The following PIEZO2 variants were observed in gnomAD, a reference collection of about 807,000 sequenced individuals.
PIEZO2 encodes the protein piezo type mechanosensitive ion channel component 2.
Under a neutral mutation model 337.3 loss-of-function variants are expected in PIEZO2, and 172 were observed. The ratio of observed to expected loss-of-function variants is 0.51; its 90% CI spans 0.45 to 0.58. The LOEUF is 0.58. Among genes scored for constraint, PIEZO2 ranks in the 20% least tolerant of loss-of-function variants. The pLI is 0.00. For missense variants in PIEZO2, 3,028 were observed against 3,391.3 expected, an observed-to-expected ratio of 0.89 and a Z score of 2.66; for synonymous variants, 1,251 against 1,228.5, an observed-to-expected ratio of 1.02 and a Z score of -0.38.
rs80164074 is a variant in PIEZO2, at chr18:11,021,493, A to G, written c.161-41833T>C. On this transcript the variant is annotated intron_variant, in intron 2 of 55. Coordinates refer to ENST00000674853, the MANE Select transcript of PIEZO2 (RefSeq NM_001378183.1). The surrounding 1 kb of genome is among the most constrained non-coding windows in gnomAD (Gnocchi z 4.7). ...TGCTTTCTTGGTGGTAAGGATGCAA[A>G]TTTGAGTTGAGTTTCTGAGCAGACT... Among the ~76,000 whole-genome samples the G allele has an allele frequency of 0.021, 3,245 of 151,988 alleles. 114 individuals carry two copies. Among genetic ancestry groups the G allele is most frequent in the African/African-American group, 0.074 (3,057 of 41,446 alleles).
rs2038695568 is a variant in PIEZO2 at position 10,773,939 on chromosome 18, T to C, written c.2567+67A>G. 7.2e-6 allele frequency: 5 copies of C among 696,532 alleles called. No homozygotes were observed. The highest frequency in any genetic ancestry group is 6.0e-5 in the South Asian group (4 of 66,200). 43.1% of individuals were successfully genotyped at this position (696,532 alleles called of 1,614,324 possible). On this transcript the variant is annotated intron_variant, in intron 19 of 55. Transcript: ENST00000674853. This position sits in a 1 kb window ranked among gnomAD's most constrained non-coding sequence, Gnocchi z 5.3. The stretch of plus-strand genomic sequence containing the variant: ...CCCAGAGGAGAAAATGGTCAGAGTT[T>C]AGGGTGTAGAAGCATGAAATGGCAT...
In PIEZO2 at chr18:10,718,268, T is replaced by C; in HGVS notation, c.5030-9A>G. The C allele has an allele frequency of 2.0e-6, 3 of 1,535,386 alleles. No individual in the cohort carries two copies. The highest frequency in any genetic ancestry group is 2.4e-5 in the East Asian group (1 of 40,906). ...TTCCCATTCCACAGGACCTGCCAAGTGTGTTCAATAAAGATGAGTTAAATT... is the reference window on the plus strand; with the variant it reads ...TTCCCATTCCACAGGACCTGCCAAGCGTGTTCAATAAAGATGAGTTAAATT... On this transcript the variant is annotated splice_polypyrimidine_tract_variant and intron_variant, in intron 36 of 55. Transcript: ENST00000674853.
At chr18:10,879,297 AG>A (rs1294897505) in intron 4 of PIEZO2, among the ~76,000 whole-genome samples, 1 of 152,094 alleles carries the variant, frequency 6.6e-6, no homozygotes, top group Non-Finnish European at 1.5e-5. Context: ...ACTGTTTTCC[AG>A]GTGCATGACA....
intron 43 of PIEZO2, among the ~76,000 whole-genome samples, chr18:10,700,798 T>A (rs2035298619): frequency 1.3e-5 from 2 of 152,220 alleles, no homozygotes. Flanking sequence ...AATTAACATA[T>A]CCAACAGAAG....
At chr18:10,801,767 G>C (rs372622934) in intron 9 of PIEZO2, among the ~76,000 whole-genome samples, 3 of 152,116 alleles carry the variant, frequency 2.0e-5, no homozygotes, top group South Asian at 2.1e-4. Context: ...ATGTATTTAT[G>C]TTTCAAGAAA....
rs866321610 is a variant in PIEZO2 at position 11,038,823 on chromosome 18, C to A, written c.160+27304G>T. Among the ~76,000 whole-genome samples, 1 of 152,222 alleles carries A rather than the reference C, an allele frequency of 6.6e-6. No individual in the cohort carries two copies. On this transcript the variant is annotated intron_variant, in intron 2 of 55. Coordinates refer to ENST00000674853, the MANE Select transcript of PIEZO2 (RefSeq NM_001378183.1). This position sits in a 1 kb window ranked among gnomAD's most constrained non-coding sequence, Gnocchi z 4.1. Reference sequence around the variant, plus strand: ...TAACGGTGAGACACAAATTAGATAACATATGAAACTTAAAAAATCTATAAA... The same window carrying A: ...TAACGGTGAGACACAAATTAGATAAAATATGAAACTTAAAAAATCTATAAA...
chr18:10,990,729 CT>C (rs1404458085), intron 2 of PIEZO2, among the ~76,000 whole-genome samples: 1 of 146,968 alleles, frequency 6.8e-6, no homozygotes, highest in Non-Finnish European at 1.5e-5. Context: ...ACACACACCC[CT>C]ATATAGAAGT....
At chr18:10,761,826 G>A (rs2038146766) in intron 23 of PIEZO2, among the ~76,000 whole-genome samples, 1 of 152,122 alleles carries the variant, frequency 6.6e-6, no homozygotes, top group Admixed American at 6.5e-5. Flanking sequence ...GAGTGTAGAG[G>A]CTGTACCCTT....
At chr18:10,786,562 C>A (rs1301190446) in intron 16 of PIEZO2, among the ~76,000 whole-genome samples, 1 of 152,218 alleles carries the variant, frequency 6.6e-6, no homozygotes, top group Non-Finnish European at 1.5e-5. Context: ...GGATAGAGCA[C>A]TATCTCCCAC....
At position 10,993,878 on chromosome 18, in the gene PIEZO2, G is replaced by A. The variant is rs113833296; in HGVS notation, c.161-14218C>T. On this transcript the variant is annotated intron_variant, in intron 2 of 55. Coordinates refer to ENST00000674853, the MANE Select transcript of PIEZO2 (RefSeq NM_001378183.1). This position sits in a 1 kb window ranked among gnomAD's most constrained non-coding sequence, Gnocchi z 5.0. ...ATTTTAAAATTTTTCATTTCCATAG[G>A]TTTTGGGGAACAGGTGATATTTGGT... is the stretch of plus-strand genomic sequence containing the variant. 3.9e-3 allele frequency among the ~76,000 whole-genome samples: 586 copies of A among 152,058 alleles called. 6 individuals are homozygous for A. The highest frequency in any genetic ancestry group is 0.013 in the African/African-American group (538 of 41,456).
rs538138470 is a variant in PIEZO2, at chr18:11,071,671, G to A, written c.65-5449C>T. Among the ~76,000 whole-genome samples the A allele has an allele frequency of 7.5e-4, 114 of 152,276 alleles. 1 individual carries two copies. The highest frequency in any genetic ancestry group is 1.3e-3 in the Non-Finnish European group (88 of 68,020). Reference sequence around the variant, plus strand: ...AGGTTGAAGCCCAGAGGTGAGGGAGGTGATGAGCTGAGTGAGCGATTCCTG... The same window carrying A: ...AGGTTGAAGCCCAGAGGTGAGGGAGATGATGAGCTGAGTGAGCGATTCCTG... On this transcript the variant is annotated intron_variant, in intron 1 of 55. Coordinates refer to ENST00000674853, the MANE Select transcript of PIEZO2 (RefSeq NM_001378183.1).
At chr18:10,890,815 T>C (rs2042734162) in intron 4 of PIEZO2, 1 of 152,208 alleles carries the variant, frequency 6.6e-6, no homozygotes, top group Non-Finnish European at 1.5e-5. Context: ...CCATCCCTCC[T>C]GCTGAGCACT....
intron 36 of PIEZO2, among the ~76,000 whole-genome samples, chr18:10,719,162 A>T (rs1342879940): frequency 6.6e-6 from 1 of 152,154 alleles, no homozygotes; most frequent in Non-Finnish European, 1.5e-5. Context: ...TAACCAGTTA[A>T]ATTTGAATGT....
In PIEZO2 at chr18:11,009,177, C is replaced by A. The variant is rs949297151; in HGVS notation, c.161-29517G>T. 6.6e-6 allele frequency among the ~76,000 whole-genome samples: 1 copy of A among 152,210 alleles called. No individual in the cohort carries two copies. The highest frequency in any genetic ancestry group is 6.5e-5 in the Admixed American group (1 of 15,284). On this transcript the variant is annotated intron_variant, in intron 2 of 55. Transcript: ENST00000674853. The surrounding 1 kb of genome is among the most constrained non-coding windows in gnomAD (Gnocchi z 4.6). ...GAATCCTGGTAGGTTGCTCTTGCCACGTCACTGTTATTTGCCTGGGCAGTG... is the reference window on the plus strand; with the variant it reads ...GAATCCTGGTAGGTTGCTCTTGCCAAGTCACTGTTATTTGCCTGGGCAGTG...
intron 16 of PIEZO2, among the ~76,000 whole-genome samples, chr18:10,786,383 T>C (rs946125327): frequency 2.0e-5 from 3 of 152,234 alleles, no homozygotes; most frequent in African/African-American, 7.2e-5. Flanking sequence ...GCTTATTGTA[T>C]AGACACTTCA....
At chr18:11,103,806 T>C (rs986506852) in intron 1 of PIEZO2, among the ~76,000 whole-genome samples, 2 of 143,910 alleles carry the variant, frequency 1.4e-5, no homozygotes, top group African/African-American at 2.7e-5. Context: ...TGTGTGTGTG[T>C]GTGCGTGTGT....
chr18:10,844,205 G>A (rs1036300812), intron 7 of PIEZO2, among the ~76,000 whole-genome samples: 2 of 151,522 alleles, frequency 1.3e-5, no homozygotes, highest in Admixed American at 1.3e-4. Flanking sequence ...GATCATTTGA[G>A]GCCAGGAGTT....
chr18:10,718,240 G>A lies in PIEZO2; in HGVS notation c.5049C>T (p.Asp1683=), dbSNP rs2036095104. The A allele has an allele frequency of 3.3e-6, 5 of 1,536,910 alleles. No homozygotes were observed. Among genetic ancestry groups the A allele is most frequent in the Non-Finnish European group, 4.4e-6 (5 of 1,146,760 alleles). ...TCTTTTTGATTGGTTCATCCTCCCGGTCTTCCCATTCCACAGGACCTGCCA... is the reference window on the plus strand; with the variant it reads ...TCTTTTTGATTGGTTCATCCTCCCGATCTTCCCATTCCACAGGACCTGCCA... The part of the protein sequence containing the change: ...GSKEGPVEWE[D]REDEPIKKKS... The change falls in exon 37 of 56, where the codon GAC becomes GAT. Residue 1683 remains aspartate (D), a synonymous_variant. Coordinates refer to ENST00000674853, the MANE Select transcript of PIEZO2 (RefSeq NM_001378183.1).
At chr18:10,710,430 A>G (rs1292356421) in intron 39 of PIEZO2, among the ~76,000 whole-genome samples, 1 of 152,224 alleles carries the variant, frequency 6.6e-6, no homozygotes, top group Non-Finnish European at 1.5e-5. Context: ...CCCTCAGAGG[A>G]CATATTTAAA....
Sources: allele counts gnomAD v4.1 joint callset (sites outside exome capture counted in the v4.1 genomes callset), GRCh38; gene constraint gnomAD v4.1.1; non-coding constraint Gnocchi (gnomAD v3.1); transcripts MANE v1.5; gene names NCBI Gene and HGNC (gene_info 2026-07-23, HGNC 2026-07-21).